KANK1: variants seen among roughly 807,000 people sequenced by gnomAD.
KANK1 encodes KN motif and ankyrin repeat domain-containing protein 1.
Under a neutral mutation model 106.2 loss-of-function variants are expected in KANK1, and 109 were observed. The observed-to-expected ratio is 1.03, with a 90% CI of 0.88 to 1.20. The LOEUF (loss-of-function observed/expected upper bound fraction) is 1.20. Ranked by LOEUF, KANK1 falls within the 50% of genes most tolerant of loss-of-function variation. The pLI is 0.00. For synonymous variants in KANK1, 873 were observed against 652.2 expected, an observed-to-expected ratio of 1.34 and a Z score of -5.16; for missense variants, 2,399 against 1,710.7, an observed-to-expected ratio of 1.40 and a Z score of -7.10.
intron 1 of KANK1, among the ~76,000 whole-genome samples, chr9:522,884 C>G (rs2059613799): frequency 6.6e-6 from 1 of 151,626 alleles, no homozygotes; most frequent in Non-Finnish European, 1.5e-5. Context: ...AGAATTGGCC[C>G]AAAAGCTAAA....
At chr9:565,661 G>C (rs1817626068) in intron 1 of KANK1, among the ~76,000 whole-genome samples, 1 of 152,112 alleles carries the variant, frequency 6.6e-6, no homozygotes, top group African/African-American at 2.4e-5. Context: ...TCTGGGTTAG[G>C]GGCCATAGGA....
intron 1 of KANK1, among the ~76,000 whole-genome samples, chr9:521,323 G>A (rs533733061): frequency 6.6e-6 from 1 of 151,682 alleles, no homozygotes; most frequent in South Asian, 2.1e-4. Context: ...TTAGGCAAGA[G>A]TCTTAGGTAG....
intron 3 of KANK1, among the ~76,000 whole-genome samples, chr9:485,551 G>A (rs1440640046): frequency 6.6e-6 from 1 of 152,110 alleles, no homozygotes; most frequent in Non-Finnish European, 1.5e-5. Flanking sequence ...GATCTACATA[G>A]AACCTGAGAA....
chr9:669,569 G>A (rs747637899), intron 1 of KANK1, among the ~76,000 whole-genome samples: 63 of 152,088 alleles, frequency 4.1e-4, no homozygotes, highest in South Asian at 8.3e-4. Context: ...CCTGACTTAC[G>A]GTTTCCATTG....
intron 2 of KANK1, among the ~76,000 whole-genome samples, chr9:680,349 G>A (rs918110881): frequency 1.3e-5 from 2 of 151,972 alleles, no homozygotes; most frequent in African/African-American, 4.8e-5. Context: ...GGGATAAGGG[G>A]TGATTCACAA....
At chr9:488,781 A>T (rs2058333959) in intron 3 of KANK1, among the ~76,000 whole-genome samples, 2 of 152,192 alleles carry the variant, frequency 1.3e-5, no homozygotes, top group African/African-American at 2.4e-5. Context: ...AGTGTTGTTT[A>T]TTATTATTCT....
chr9:562,298 C>T (rs1469138016), intron 1 of KANK1, among the ~76,000 whole-genome samples: 4 of 151,382 alleles, frequency 2.6e-5, no homozygotes, highest in Admixed American at 6.6e-5. Context: ...ATGATCCACC[C>T]GCCTCGGCCT....
At chr9:482,925 G>T (rs1050684567) in intron 3 of KANK1, among the ~76,000 whole-genome samples, 7 of 152,172 alleles carry the variant, frequency 4.6e-5, no homozygotes, top group African/African-American at 1.7e-4. Context: ...GCCTGCCGGG[G>T]TGTGAATCAT....
Position 734,898 on chromosome 9 carries a change from A to C in KANK1, c.3333+63A>C, listed in dbSNP as rs1833351494. ...AAAGTGCATGAGTGGGTTCATTGTC[A>C]AGGCCAGCTGTAGGCTGCCCGAGCT... On this transcript the variant is annotated intron_variant, in intron 7 of 11. Transcript: ENST00000382297. 3 of 1,220,086 alleles carry C rather than the reference A, an allele frequency of 2.5e-6. No individual in the cohort carries two copies. The Admixed American group carries it at 5.2e-5, about 21-fold the overall frequency. The allele number at this position is 1,220,086 out of a possible 1,614,324, so 75.6% of individuals were successfully genotyped here.
intron 1 of KANK1, among the ~76,000 whole-genome samples, chr9:615,145 G>T (rs1448649050): frequency 6.6e-6 from 1 of 152,136 alleles, no homozygotes; most frequent in Non-Finnish European, 1.5e-5. Flanking sequence ...GTGTTGCCCA[G>T]ACTGGTCCTG....
chr9:620,705 T>C (rs987003029), intron 1 of KANK1, among the ~76,000 whole-genome samples: 9 of 152,058 alleles, frequency 5.9e-5, no homozygotes, highest in Non-Finnish European at 1.0e-4. Context: ...TTTTAAAAAT[T>C]AAAAAAATTT....
At chr9:542,432 A>G (rs904879143) in intron 1 of KANK1, among the ~76,000 whole-genome samples, 1 of 152,262 alleles carries the variant, frequency 6.6e-6, no homozygotes, top group Admixed American at 6.5e-5. Flanking sequence ...AAAATGTGAG[A>G]TAAAGGGACC....
intron 1 of KANK1, among the ~76,000 whole-genome samples, chr9:509,713 G>T (rs920815096): frequency 2.0e-5 from 3 of 152,164 alleles, no homozygotes; most frequent in African/African-American, 7.2e-5. Context: ...ATAAATTTGA[G>T]ATTTTTGTTT....
chr9:522,007 C>G (rs2059576005), intron 1 of KANK1, among the ~76,000 whole-genome samples: 1 of 151,628 alleles, frequency 6.6e-6, no homozygotes, highest in Non-Finnish European at 1.5e-5. Context: ...TTTTGGAGAA[C>G]TGTTAGAAAA....
At chr9:684,665 A>C in intron 2 of KANK1, 3 of 770,796 alleles carry the variant, frequency 3.9e-6, no homozygotes, top group Non-Finnish European at 4.7e-6. Context: ...GGTATAGCTC[A>C]TTTGCTTCCT....
At chr9:660,315 C>G (rs10815438) in intron 1 of KANK1, 44,356 of 219,928 alleles carry the variant, frequency 0.2, 4,651 homozygotes, top group East Asian at 0.32. Flanking sequence ...GCTAAATGTT[C>G]ATGGGTTTTA....
At chr9:738,890 G>C (rs963135784) in intron 8 of KANK1, among the ~76,000 whole-genome samples, 3 of 152,178 alleles carry the variant, frequency 2.0e-5, no homozygotes, top group Non-Finnish European at 4.4e-5. Context: ...TCACAGCCTT[G>C]GTGCGTGTGG....
intron 1 of KANK1, among the ~76,000 whole-genome samples, chr9:528,155 A>C (rs1183892789): frequency 6.6e-6 from 1 of 151,418 alleles, no homozygotes; most frequent in African/African-American, 2.4e-5. Context: ...AAAAAAAAAA[A>C]CTTTTTAGGA....
At chr9:504,633 G>C (rs903004980), upstream of KANK1, 2 of 151,062 alleles carry the variant, frequency 1.3e-5, no homozygotes, top group South Asian at 2.1e-4. Context: ...GTGCGGTTCG[G>C]GCTTTAATTC....
Sources: gnomAD v4.1 joint callset for allele counts (sites outside exome capture counted in the v4.1 genomes callset) on GRCh38, gnomAD v4.1.1 for gene constraint, MANE v1.5 for transcripts, NCBI Gene and HGNC (gene_info 2026-07-23, HGNC 2026-07-21) for gene names.